The following PAN3 variants were observed in gnomAD, a reference collection of about 807,000 sequenced individuals.
PAN3 encodes the protein PAN2-PAN3 deadenylation complex subunit PAN3.
PAN3 carries 19 observed loss-of-function variants against 96.2 expected under a neutral mutation model. The ratio of observed to expected loss-of-function variants is 0.20; its 90% CI spans 0.14 to 0.29. PAN3 has a LOEUF of 0.29. Ranked by LOEUF, PAN3 falls within the 10% of genes least tolerant of loss-of-function variation. The pLI, the probability that PAN3 is intolerant of heterozygous loss-of-function variation, is 1.00. For missense variants in PAN3, 882 were observed against 1,108.1 expected (o/e 0.80, Z 2.90); for synonymous variants, 433 against 406.6 (o/e 1.06, Z -0.78).
intron 9 of PAN3, among the ~76,000 whole-genome samples, chr13:28,263,099 A>C (rs1429782680): frequency 2.6e-5 from 4 of 152,142 alleles, no homozygotes. Context: ...CGACCATCCA[A>C]GGTACTTTGA....
chr13:28,286,498 C>G (rs895184359), intron 17 of PAN3, among the ~76,000 whole-genome samples: 3 of 152,170 alleles, frequency 2.0e-5, no homozygotes, highest in African/African-American at 7.2e-5. Flanking sequence ...TTTTAGTAGT[C>G]CTTTGTGGCT....
At chr13:28,143,497 CT>C (rs1209820984) in intron 1 of PAN3, among the ~76,000 whole-genome samples, 2 of 152,152 alleles carry the variant, frequency 1.3e-5, no homozygotes, top group African/African-American at 4.8e-5. Context: ...CCAAAATACA[CT>C]TTTCAATTCT....
At chr13:28,170,456 A>G (rs1198199757) in intron 1 of PAN3, among the ~76,000 whole-genome samples, 1 of 152,234 alleles carries the variant, frequency 6.6e-6, no homozygotes, top group Non-Finnish European at 1.5e-5. Flanking sequence ...GACCATAGAT[A>G]TTTGAATTCT....
chr13:28,171,589 CACTT>C (rs367604596), intron 1 of PAN3, among the ~76,000 whole-genome samples: 8 of 152,280 alleles, frequency 5.3e-5, no homozygotes, highest in African/African-American at 9.6e-5. Context: ...CTCAGGGAAA[CACTT>C]GCTTGACTGG....
Position 28,165,145 on chromosome 13 carries a change from A to G in PAN3, c.431-9127A>G, listed in dbSNP as rs549978109. 3.0e-4 allele frequency among the ~76,000 whole-genome samples: 46 copies of G among 152,272 alleles called. No homozygotes were observed. The South Asian group carries it at 6.0e-3, about 20-fold the overall frequency. ...CTGGTCTCGAACTCCTGACCTTGTG[A>G]TCCTCCTGCCTTGGCCTCCCAAAGT... On this transcript the variant is annotated intron_variant, in intron 1 of 18. Coordinates refer to ENST00000380958, the MANE Select transcript of PAN3 (RefSeq NM_175854.8).
chr13:28,288,866 A>T (rs1482213950), intron 18 of PAN3, among the ~76,000 whole-genome samples: 2 of 98,224 alleles, frequency 2.0e-5, no homozygotes, highest in African/African-American at 8.4e-5. Context: ...AGTCTCTGTC[A>T]CCCAGGCTGG....
At chr13:28,209,906 G>C (rs924203658) in intron 5 of PAN3, among the ~76,000 whole-genome samples, 6 of 151,692 alleles carry the variant, frequency 4.0e-5, no homozygotes, top group African/African-American at 1.2e-4. Flanking sequence ...TCAGCCTCCA[G>C]AGTAGCTGGG....
Position 28,176,528 on chromosome 13 carries a change from A to C in PAN3, c.588A>C (p.Leu196=), listed in dbSNP as rs779253957. ...ATAGTAGCAGCTCCCCAAGCCTTCT[A>C]AATGACAGTGCCAAGCCATATTCAG... ...MTNSSSSPSL[L]NDSAKPYSAH... The change falls in exon 3 of 19, where the codon CTA becomes CTC. Residue 196 remains leucine, a synonymous_variant. Coordinates refer to ENST00000380958, the MANE Select transcript of PAN3 (RefSeq NM_175854.8). 6.2e-7 allele frequency: 1 copy of C among 1,614,026 alleles called. No homozygotes were observed. The highest frequency in any genetic ancestry group is 1.3e-5 in the African/African-American group (1 of 75,052).
At chr13:28,288,828 A>ATTTTTTTTTTTT (rs756889416) in intron 18 of PAN3, among the ~76,000 whole-genome samples, 1 of 123,732 alleles carries the variant, frequency 8.1e-6, no homozygotes, top group African/African-American at 3.2e-5. Flanking sequence ...TTAACTATAG[A>ATTTTTTTTTTTT]TTTTTTTTTT....
At chr13:28,154,947 A>C (rs1871928261) in intron 1 of PAN3, among the ~76,000 whole-genome samples, 1 of 150,110 alleles carries the variant, frequency 6.7e-6, no homozygotes, top group Admixed American at 6.6e-5. Context: ...CAGCCTCCCG[A>C]GTAGCTGGGA....
chr13:28,206,707 A>G (rs1311488324), intron 5 of PAN3, among the ~76,000 whole-genome samples: 1 of 142,520 alleles, frequency 7.0e-6, no homozygotes, highest in Non-Finnish European at 1.5e-5. Context: ...TGAAACTTTT[A>G]TTTTCTTAGC....
At chr13:28,194,359 G>A (rs1877705960) in intron 4 of PAN3, among the ~76,000 whole-genome samples, 1 of 149,514 alleles carries the variant, frequency 6.7e-6, no homozygotes, top group Non-Finnish European at 1.5e-5. Context: ...GATAGAACAA[G>A]GTTAATTTTA....
intron 4 of PAN3, among the ~76,000 whole-genome samples, chr13:28,193,785 A>C (rs1408177549): frequency 6.6e-6 from 1 of 150,908 alleles, no homozygotes; most frequent in Non-Finnish European, 1.5e-5. Flanking sequence ...ACCAAAGAGC[A>C]ACAACCTTTT....
chr13:28,288,139 T>C lies in PAN3; in HGVS notation c.2523+17T>C. ...CTTAACAAGGTAATTTGTATCTAGATTTTTTAAGATCATAATTCTGCCTAT... is the reference window on the plus strand; with the variant it reads ...CTTAACAAGGTAATTTGTATCTAGACTTTTTAAGATCATAATTCTGCCTAT... On this transcript the variant is annotated intron_variant, in intron 18 of 18. Transcript: ENST00000380958. The C allele has an allele frequency of 6.3e-7, 1 of 1,581,436 alleles. No homozygotes were observed. The highest frequency in any genetic ancestry group is 8.6e-7 in the Non-Finnish European group (1 of 1,164,128).
chr13:28,148,805 G>A (rs1237130017), intron 1 of PAN3, among the ~76,000 whole-genome samples: 1 of 152,130 alleles, frequency 6.6e-6, no homozygotes, highest in African/African-American at 2.4e-5. Context: ...CTTGTAGTTT[G>A]TTCCACATTC....
At chr13:28,146,320 C>G (rs550032131) in intron 1 of PAN3, among the ~76,000 whole-genome samples, 44 of 151,704 alleles carry the variant, frequency 2.9e-4, no homozygotes, top group Non-Finnish European at 2.4e-4. Flanking sequence ...CTCTCTCTCT[C>G]TCTCTCATAT....
Position 28,277,384 on chromosome 13 carries a change from T to C in PAN3, c.2189+8T>C, listed in dbSNP as rs746557817. The C allele has an allele frequency of 1.9e-6, 3 of 1,605,790 alleles. No homozygotes were observed. Among genetic ancestry groups the C allele is most frequent in the African/African-American group, 1.3e-5 (1 of 74,610 alleles). On this transcript the variant is annotated splice_region_variant and intron_variant, in intron 15 of 18. Transcript: ENST00000380958. ...CCTGAAGAATCTGATTTTGTAAGTTTTAATATATGATAAATTGTACAGAAT... is the reference window on the plus strand; with the variant it reads ...CCTGAAGAATCTGATTTTGTAAGTTCTAATATATGATAAATTGTACAGAAT...
chr13:28,139,616 TTG>T (rs1869398168), intron 1 of PAN3, among the ~76,000 whole-genome samples: 1 of 149,638 alleles, frequency 6.7e-6, no homozygotes, highest in Non-Finnish European at 1.5e-5. Context: ...CGGAAAAAGT[TTG>T]TAGAAGGCTT....
At chr13:28,215,341 T>C (rs1593489897) in intron 5 of PAN3, 8 of 750,162 alleles carry the variant, frequency 1.1e-5, no homozygotes, top group East Asian at 4.9e-5. Flanking sequence ...AAACCCGTTA[T>C]GGTGGTCACC....
Sources: allele counts gnomAD v4.1 joint callset (sites outside exome capture counted in the v4.1 genomes callset), GRCh38; gene constraint gnomAD v4.1.1; transcripts MANE v1.5; gene names NCBI Gene and HGNC (gene_info 2026-07-23, HGNC 2026-07-21).